Variants in STK39 observed in about 807,000 individuals in gnomAD.
STK39 encodes the protein STE20/SPS1-related proline-alanine-rich protein kinase.
STK39 carries 20 observed loss-of-function variants against 77.8 expected under a neutral mutation model. The ratio of observed to expected loss-of-function variants is 0.26; its 90% CI spans 0.18 to 0.37. The LOEUF (loss-of-function observed/expected upper bound fraction) is 0.37. Among genes scored for constraint, STK39 ranks in the 10% least tolerant of loss-of-function variants. The pLI is 1.00. For missense variants in STK39, 479 were observed against 656.5 expected, an observed-to-expected ratio of 0.73 and a Z score of 2.95; for synonymous variants, 246 against 234.1, an observed-to-expected ratio of 1.05 and a Z score of -0.47.
At chr2:167,967,620 T>A (rs1692194363) in intron 16 of STK39, among the ~76,000 whole-genome samples, 1 of 152,216 alleles carries the variant, frequency 6.6e-6, no homozygotes, top group South Asian at 2.1e-4. Flanking sequence ...AAGACGCTGA[T>A]GCTCAGTACT....
At chr2:168,054,914 C>T (rs1480024386) in intron 14 of STK39, among the ~76,000 whole-genome samples, 1 of 152,216 alleles carries the variant, frequency 6.6e-6, no homozygotes, top group African/African-American at 2.4e-5. Context: ...TATCTCTCTT[C>T]TTACTGCATT....
intron 1 of STK39, among the ~76,000 whole-genome samples, chr2:168,237,938 CAG>C (rs1380392569): frequency 6.6e-6 from 1 of 152,084 alleles, no homozygotes; most frequent in Non-Finnish European, 1.5e-5. Context: ...ATTAAACAAA[CAG>C]AGATAGTGAC....
At chr2:168,228,470 A>G (rs922897880) in intron 1 of STK39, among the ~76,000 whole-genome samples, 3 of 152,190 alleles carry the variant, frequency 2.0e-5, no homozygotes, top group Non-Finnish European at 2.9e-5. Flanking sequence ...CAATGACCTT[A>G]TATTATTGTT....
At chr2:168,106,540 TG>T in intron 10 of STK39, among the ~76,000 whole-genome samples, 1 of 152,158 alleles carries the variant, frequency 6.6e-6, no homozygotes, top group Non-Finnish European at 1.5e-5. Flanking sequence ...TAATCCAGGC[TG>T]GGCACAGTGG....
intron 17 of STK39, among the ~76,000 whole-genome samples, chr2:167,963,538 C>A (rs545785008): frequency 2.7e-5 from 4 of 145,868 alleles, no homozygotes; most frequent in African/African-American, 7.9e-5. Flanking sequence ...AAAAAAAAAA[C>A]ACACACATTA....
At chr2:168,175,097 C>A (rs1256029763) in intron 2 of STK39, among the ~76,000 whole-genome samples, 2 of 152,152 alleles carry the variant, frequency 1.3e-5, no homozygotes, top group Admixed American at 6.6e-5. Context: ...ACTCTCCAAC[C>A]TTCCTCCTGA....
chr2:168,171,416 G>A (rs1406249541), intron 2 of STK39, among the ~76,000 whole-genome samples: 6 of 151,174 alleles, frequency 4.0e-5, no homozygotes, highest in Non-Finnish European at 1.5e-5. Flanking sequence ...ACAAATATGA[G>A]GAGTTGGGAG....
intron 10 of STK39, among the ~76,000 whole-genome samples, chr2:168,078,847 C>CA (rs760831909): frequency 1.3e-5 from 2 of 152,072 alleles, no homozygotes; most frequent in Non-Finnish European, 2.9e-5. Flanking sequence ...ATTTTTACCC[C>CA]TTCGGTGGGA....
chr2:168,081,081 A>G (rs1686217458), intron 10 of STK39, among the ~76,000 whole-genome samples: 1 of 152,194 alleles, frequency 6.6e-6, no homozygotes, highest in Non-Finnish European at 1.5e-5. Flanking sequence ...ATGTGGGGTC[A>G]GAGGCCCCAC....
chr2:168,229,307 C>T (rs1406659370), intron 1 of STK39, among the ~76,000 whole-genome samples: 1 of 151,798 alleles, frequency 6.6e-6, no homozygotes, highest in Non-Finnish European at 1.5e-5. Context: ...ACTGCTTGAA[C>T]CCAGGAGGCG....
rs1390125561 is a variant in STK39, at chr2:168,247,471, G to A, written c.-36C>T. 4 of 1,299,080 alleles carry A rather than the reference G, an allele frequency of 3.1e-6. No individual in the cohort carries two copies. The highest frequency in any genetic ancestry group is 1.7e-5 in the South Asian group (1 of 59,622). The allele number at this position is 1,299,080 out of a possible 1,614,324, so 80.5% of individuals were successfully genotyped here. On this transcript the variant is annotated 5_prime_UTR_variant, in exon 1 of 18. Coordinates refer to ENST00000355999, the MANE Select transcript of STK39 (RefSeq NM_013233.3). The stretch of plus-strand genomic sequence containing the variant: ...AGGAGAGCAGGAGGACGCGCCGGCC[G>A]ACGGACGACCTTCCACTTGAAACTT...
chr2:168,243,914 C>T (rs780085941), intron 1 of STK39, among the ~76,000 whole-genome samples: 1 of 152,112 alleles, frequency 6.6e-6, no homozygotes, highest in Non-Finnish European at 1.5e-5. Context: ...CTCAACTCAC[C>T]CCCAAATTCC....
At chr2:168,187,888 G>A (rs1175556385) in intron 1 of STK39, among the ~76,000 whole-genome samples, 1 of 152,038 alleles carries the variant, frequency 6.6e-6, no homozygotes, top group Non-Finnish European at 1.5e-5. Context: ...TTTTTTTCAA[G>A]GCATCACATT....
At chr2:168,083,166 ACT>A (rs1313023575) in intron 10 of STK39, among the ~76,000 whole-genome samples, 1 of 149,848 alleles carries the variant, frequency 6.7e-6, no homozygotes, top group East Asian at 2.0e-4. Flanking sequence ...TATTTTTGTG[ACT>A]CTACCATTTC....
chr2:168,024,352 T>G (rs1175805589), intron 14 of STK39, among the ~76,000 whole-genome samples: 1 of 152,154 alleles, frequency 6.6e-6, no homozygotes, highest in African/African-American at 2.4e-5. Flanking sequence ...AAATAATAAT[T>G]CACAGCTGCT....
chr2:168,029,434 CT>C (rs1684778917), intron 14 of STK39, among the ~76,000 whole-genome samples: 1 of 152,154 alleles, frequency 6.6e-6, no homozygotes, highest in African/African-American at 2.4e-5. Flanking sequence ...AGACAGAAGC[CT>C]TTTTCATATA....
chr2:168,108,491 T>C (rs1206689693), intron 10 of STK39, among the ~76,000 whole-genome samples: 1 of 151,812 alleles, frequency 6.6e-6, no homozygotes, highest in Admixed American at 6.6e-5. Context: ...AAGAGTGCAG[T>C]GAGCCATGAC....
chr2:168,055,317 A>G (rs935028290), intron 14 of STK39, among the ~76,000 whole-genome samples: 2 of 152,234 alleles, frequency 1.3e-5, no homozygotes, highest in Non-Finnish European at 2.9e-5. Flanking sequence ...CATCGTTTCT[A>G]ACAGATTTAG....
At chr2:168,057,842 C>A (rs1321754173) in intron 14 of STK39, among the ~76,000 whole-genome samples, 2 of 152,166 alleles carry the variant, frequency 1.3e-5, no homozygotes, top group African/African-American at 2.4e-5. Flanking sequence ...TGCCTGCCTT[C>A]CCCTGATGGT....
Sources: allele counts gnomAD v4.1 joint callset (sites outside exome capture counted in the v4.1 genomes callset), GRCh38; gene constraint gnomAD v4.1.1; transcripts MANE v1.5; gene names NCBI Gene and HGNC (gene_info 2026-07-23, HGNC 2026-07-21).